FBXL17: variants seen among roughly 807,000 people sequenced by gnomAD.
FBXL17 encodes the protein F-box/LRR-repeat protein 17.
FBXL17 carries 22 observed loss-of-function variants against 66.2 expected under a neutral mutation model. The observed-to-expected ratio is 0.33, with a 90% CI of 0.24 to 0.47. The LOEUF (loss-of-function observed/expected upper bound fraction) is 0.47, where lower values mean the gene tolerates loss of function less well. FBXL17 is among the 20% of genes least tolerant of loss of function. FBXL17 has a pLI of 1.00. For synonymous variants in FBXL17, 474 were observed against 400.5 expected, an observed-to-expected ratio of 1.18 and a Z score of -2.19; for missense variants, 878 against 948.2, an observed-to-expected ratio of 0.93 and a Z score of 0.97.
chr5:107,880,758 T>A, intron 8 of FBXL17: 5 of 1,307,116 alleles, frequency 3.8e-6, no homozygotes, highest in Non-Finnish European at 4.8e-6. Flanking sequence ...CATGGACTTA[T>A]GAATAGGATG....
intron 7 of FBXL17, among the ~76,000 whole-genome samples, chr5:107,967,178 T>C (rs1752175498): frequency 6.6e-6 from 1 of 152,076 alleles, no homozygotes; most frequent in South Asian, 2.1e-4. Flanking sequence ...TTTCTTTTTT[T>C]GTACATCGTT....
At chr5:108,205,182 A>T (rs1754065765) in intron 5 of FBXL17, among the ~76,000 whole-genome samples, 1 of 152,086 alleles carries the variant, frequency 6.6e-6, no homozygotes, top group African/African-American at 2.4e-5. Context: ...CAAGCATCTG[A>T]GATTACGGGC....
chr5:107,873,803 T>C (rs1047849233), intron 8 of FBXL17, among the ~76,000 whole-genome samples: 1 of 152,224 alleles, frequency 6.6e-6, no homozygotes, highest in African/African-American at 2.4e-5. Flanking sequence ...GGAGATTATT[T>C]ACTGCAAAGC....
intron 4 of FBXL17, among the ~76,000 whole-genome samples, chr5:108,238,182 T>A (rs1755689885): frequency 6.6e-6 from 1 of 152,260 alleles, no homozygotes; most frequent in African/African-American, 2.4e-5. Flanking sequence ...GAATACTTCG[T>A]ATGGATTCAC....
intron 6 of FBXL17, among the ~76,000 whole-genome samples, chr5:108,173,158 T>G (rs888757363): frequency 1.3e-5 from 2 of 152,062 alleles, no homozygotes; most frequent in Non-Finnish European, 1.5e-5. Flanking sequence ...GAAATCTAGA[T>G]TGAGTATGTA....
chr5:108,166,470 T>A (rs1394756229), intron 6 of FBXL17, among the ~76,000 whole-genome samples: 1 of 151,786 alleles, frequency 6.6e-6, no homozygotes, highest in Non-Finnish European at 1.5e-5. Flanking sequence ...TGTGTTATAG[T>A]CTTTTTAAAA....
intron 6 of FBXL17, among the ~76,000 whole-genome samples, chr5:108,170,895 CA>C (rs1264646386): frequency 2.0e-5 from 3 of 152,304 alleles, no homozygotes; most frequent in Admixed American, 2.0e-4. Context: ...GTGATTATGT[CA>C]CAGTAACAAC....
intron 6 of FBXL17, among the ~76,000 whole-genome samples, chr5:108,064,295 A>C (rs1435858103): frequency 6.6e-6 from 1 of 152,210 alleles, no homozygotes; most frequent in African/African-American, 2.4e-5. Flanking sequence ...AAATAATTTC[A>C]CAATTTGTAA....
intron 6 of FBXL17, among the ~76,000 whole-genome samples, chr5:108,042,331 T>C (rs1365865012): frequency 1.3e-5 from 2 of 152,190 alleles, no homozygotes; most frequent in East Asian, 1.9e-4. Context: ...AAGCAGGATA[T>C]TGACATTGAT....
At chr5:108,047,634 C>A (rs908617596) in intron 6 of FBXL17, among the ~76,000 whole-genome samples, 1 of 152,172 alleles carries the variant, frequency 6.6e-6, no homozygotes, top group Admixed American at 6.5e-5. Context: ...AACTTGGTTG[C>A]AAGAGCTGTC....
intron 7 of FBXL17, among the ~76,000 whole-genome samples, chr5:107,950,863 G>A (rs564042615): frequency 4.6e-5 from 7 of 152,304 alleles, no homozygotes; most frequent in Admixed American, 2.0e-4. Flanking sequence ...AACACCATGA[G>A]CACGAACTAA....
chr5:108,234,190 T>G (rs1042829237), intron 4 of FBXL17, among the ~76,000 whole-genome samples: 2 of 152,166 alleles, frequency 1.3e-5, no homozygotes, highest in African/African-American at 4.8e-5. Flanking sequence ...TGGATTACTC[T>G]ACTTATAAAC....
intron 6 of FBXL17, among the ~76,000 whole-genome samples, chr5:108,184,194 C>T (rs925636954): frequency 1.8e-4 from 27 of 152,182 alleles, no homozygotes; most frequent in East Asian, 3.9e-4. Context: ...ATCGAGGCGG[C>T]GGGGCGGGGG....
At chr5:108,041,735 C>T (rs935064671) in intron 6 of FBXL17, among the ~76,000 whole-genome samples, 5 of 152,008 alleles carry the variant, frequency 3.3e-5, no homozygotes, top group Admixed American at 3.3e-4. Flanking sequence ...TTTAAATAAC[C>T]CCAAATTCTC....
At chr5:108,283,436 A>C (rs1399199427) in intron 4 of FBXL17, among the ~76,000 whole-genome samples, 1 of 151,808 alleles carries the variant, frequency 6.6e-6, no homozygotes, top group Non-Finnish European at 1.5e-5. Flanking sequence ...GACAAGAACA[A>C]ACACTGGCAA....
chr5:107,921,896 TG>T (rs1441261931), intron 7 of FBXL17, among the ~76,000 whole-genome samples: 1 of 152,056 alleles, frequency 6.6e-6, no homozygotes, highest in Non-Finnish European at 1.5e-5. Flanking sequence ...TCTGCGCACA[TG>T]GGTGGGGCAG....
chr5:108,002,229 G>A (rs1753760167), intron 7 of FBXL17, among the ~76,000 whole-genome samples: 1 of 135,448 alleles, frequency 7.4e-6, no homozygotes, highest in South Asian at 2.3e-4. Flanking sequence ...TTCACCTGTT[G>A]GTCAGGCTGG....
At chr5:108,003,881 T>C (rs1442025829) in intron 7 of FBXL17, among the ~76,000 whole-genome samples, 4 of 152,028 alleles carry the variant, frequency 2.6e-5, no homozygotes, top group African/African-American at 9.7e-5. Flanking sequence ...ATGTCCAGAA[T>C]AGAGATAATG....
chr5:107,874,750 G>A (rs1748563613), intron 8 of FBXL17, among the ~76,000 whole-genome samples: 1 of 152,166 alleles, frequency 6.6e-6, no homozygotes, highest in South Asian at 2.1e-4. Context: ...CTAAAATGAG[G>A]TTGAAAGGTA....
Sources: allele counts gnomAD v4.1 joint callset (sites outside exome capture counted in the v4.1 genomes callset), GRCh38; gene constraint gnomAD v4.1.1; transcripts MANE v1.5; gene names NCBI Gene and HGNC (gene_info 2026-07-23, HGNC 2026-07-21).